The following AGBL4 variants were observed in gnomAD, a reference collection of about 807,000 sequenced individuals.
AGBL4 encodes AGBL carboxypeptidase 4.
A neutral mutation model predicts 66.4 loss-of-function variants in AGBL4; 58 were observed. The ratio of observed to expected loss-of-function variants is 0.87; its 90% CI spans 0.71 to 1.09. The LOEUF is 1.09. Among genes scored for constraint, AGBL4 ranks in the 50% least tolerant of loss-of-function variants. AGBL4 has a pLI of 0.00. For missense variants in AGBL4, 579 were observed against 631.0 expected, an observed-to-expected ratio of 0.92 and a Z score of 0.88; for synonymous variants, 234 against 222.9, an observed-to-expected ratio of 1.05 and a Z score of -0.44.
At chr1:48,795,692 G>A (rs2148735784) in intron 6 of AGBL4, among the ~76,000 whole-genome samples, 1 of 152,200 alleles carries the variant, frequency 6.6e-6, no homozygotes, top group Non-Finnish European at 1.5e-5. Flanking sequence ...TTGCTCCATT[G>A]TCCAGGCTGG....
chr1:49,209,736 C>T (rs1648521210), intron 4 of AGBL4, among the ~76,000 whole-genome samples: 1 of 151,922 alleles, frequency 6.6e-6, no homozygotes, highest in Non-Finnish European at 1.5e-5. Flanking sequence ...ACAATTAATC[C>T]TATAAGTAAG....
At chr1:49,314,537 C>T (rs1489160352) in intron 3 of AGBL4, among the ~76,000 whole-genome samples, 1 of 152,040 alleles carries the variant, frequency 6.6e-6, no homozygotes, top group Non-Finnish European at 1.5e-5. Context: ...CAGCTCCATC[C>T]ATGTCCCTGC....
intron 3 of AGBL4, among the ~76,000 whole-genome samples, chr1:49,302,205 A>C (rs151127810): frequency 6.6e-6 from 1 of 151,460 alleles, no homozygotes; most frequent in African/African-American, 2.4e-5. Context: ...TAAAAAAAAA[A>C]CTCTTGAAAT....
intron 2 of AGBL4, among the ~76,000 whole-genome samples, chr1:49,755,771 G>A (rs901053530): frequency 1.3e-5 from 2 of 152,122 alleles, no homozygotes; most frequent in Non-Finnish European, 2.9e-5. Flanking sequence ...GCCCTGCCAC[G>A]CTGCTTTTAG....
At chr1:48,733,478 C>A (rs377279051) in intron 6 of AGBL4, among the ~76,000 whole-genome samples, 2 of 152,068 alleles carry the variant, frequency 1.3e-5, no homozygotes, top group Non-Finnish European at 2.9e-5. Flanking sequence ...TTGATTGATG[C>A]GAACTATCAT....
intron 9 of AGBL4, among the ~76,000 whole-genome samples, chr1:48,626,376 C>T (rs994000567): frequency 6.6e-6 from 1 of 152,216 alleles, no homozygotes; most frequent in Middle Eastern, 3.2e-3. Context: ...TTTCTTTTAG[C>T]AGATGGGCAT....
chr1:49,510,269 G>T lies in AGBL4; in HGVS notation c.282+187044C>A, dbSNP rs548914277. ...GTTGTTTCCTGACTTTTTAATGATT[G>T]CCATTCTAACTGGTGTGAGATGGTA... On this transcript the variant is annotated intron_variant, in intron 3 of 13. Coordinates refer to ENST00000371839, the MANE Select transcript of AGBL4 (RefSeq NM_032785.4). Among the ~76,000 whole-genome samples the T allele has an allele frequency of 1.4e-3, 212 of 151,840 alleles. 1 individual carries two copies. Among genetic ancestry groups the T allele is most frequent in the African/African-American group, 4.0e-3 (164 of 41,450 alleles).
chr1:49,516,071 C>G (rs1010167290), intron 3 of AGBL4, among the ~76,000 whole-genome samples: 3 of 151,184 alleles, frequency 2.0e-5, no homozygotes, highest in Non-Finnish European at 4.4e-5. Context: ...ACTGCCCCCC[C>G]CCACAAAAAA....
At chr1:48,842,324 A>G (rs1420597311) in intron 6 of AGBL4, among the ~76,000 whole-genome samples, 1 of 152,018 alleles carries the variant, frequency 6.6e-6, no homozygotes, top group Admixed American at 6.6e-5. Flanking sequence ...TCACCAAGTC[A>G]TTGTCCTCTG....
chr1:49,056,696 C>A (rs532947420), intron 4 of AGBL4, among the ~76,000 whole-genome samples: 1 of 151,968 alleles, frequency 6.6e-6, no homozygotes, highest in Non-Finnish European at 1.5e-5. Context: ...GGAGTGAAAG[C>A]GAGACCAGTG....
At chr1:48,838,687 G>A (rs924886114) in intron 6 of AGBL4, among the ~76,000 whole-genome samples, 1 of 152,034 alleles carries the variant, frequency 6.6e-6, no homozygotes, top group African/African-American at 2.4e-5. Context: ...ATCGACAAAT[G>A]GGATTACATG....
intron 3 of AGBL4, among the ~76,000 whole-genome samples, chr1:49,449,667 TAGA>T (rs1557951205): frequency 6.6e-6 from 1 of 151,948 alleles, no homozygotes; most frequent in African/African-American, 2.4e-5. Context: ...CACGAGCCCA[TAGA>T]CACAGGTACA....
At chr1:49,984,794 A>T (rs1185691251) in intron 1 of AGBL4, among the ~76,000 whole-genome samples, 1 of 152,248 alleles carries the variant, frequency 6.6e-6, no homozygotes, top group African/African-American at 2.4e-5. Context: ...GGGTATCAAA[A>T]ACCATAAAAG....
intron 4 of AGBL4, among the ~76,000 whole-genome samples, chr1:49,081,370 G>A (rs1448658071): frequency 6.6e-6 from 1 of 152,194 alleles, no homozygotes; most frequent in Non-Finnish European, 1.5e-5. Context: ...TAAAGTCTCT[G>A]AGCCTCAGTT....
intron 3 of AGBL4, among the ~76,000 whole-genome samples, chr1:49,558,271 G>A (rs1024293999): frequency 6.6e-6 from 1 of 152,060 alleles, no homozygotes; most frequent in Non-Finnish European, 1.5e-5. Context: ...ACTTTGCCTT[G>A]AACCTTAGGT....
intron 3 of AGBL4, among the ~76,000 whole-genome samples, chr1:49,315,826 T>G (rs1039839509): frequency 6.6e-6 from 1 of 152,072 alleles, no homozygotes; most frequent in African/African-American, 2.4e-5. Flanking sequence ...TTATAGCAGC[T>G]TTATCCATAA....
chr1:49,578,416 C>A (rs1051752371), intron 3 of AGBL4, among the ~76,000 whole-genome samples: 8 of 152,142 alleles, frequency 5.3e-5, no homozygotes, highest in Admixed American at 5.2e-4. Context: ...GGAAAAAAAA[C>A]CATGACCTGC....
chr1:49,108,861 C>T (rs1310621298), intron 4 of AGBL4, among the ~76,000 whole-genome samples: 2 of 152,122 alleles, frequency 1.3e-5, no homozygotes, highest in African/African-American at 4.8e-5. Flanking sequence ...AATCTGGGTC[C>T]AGTAGGTATG....
At chr1:49,476,842 A>C (rs1646856703) in intron 3 of AGBL4, among the ~76,000 whole-genome samples, 1 of 152,066 alleles carries the variant, frequency 6.6e-6, no homozygotes, top group Non-Finnish European at 1.5e-5. Flanking sequence ...GTACACTGAA[A>C]GGTGAATCCC....
Sources: allele counts gnomAD v4.1 joint callset (sites outside exome capture counted in the v4.1 genomes callset), GRCh38; gene constraint gnomAD v4.1.1; transcripts MANE v1.5; gene names NCBI Gene and HGNC (gene_info 2026-07-23, HGNC 2026-07-21).